Variants in ACOX2 observed in about 807,000 individuals in gnomAD.
ACOX2 encodes peroxisomal acyl-coenzyme A oxidase 2.
In ACOX2, 59 loss-of-function variants were observed where a neutral mutation model predicts 77.5. The ratio of observed to expected loss-of-function variants is 0.76; its 90% confidence interval spans 0.62 to 0.95. The LOEUF (loss-of-function observed/expected upper bound fraction) is 0.95, where lower values mean the gene tolerates loss of function less well. Among genes scored for constraint, ACOX2 ranks in the 40% least tolerant of loss-of-function variants. The pLI is 0.00. For missense variants in ACOX2, 837 were observed against 880.4 expected (o/e 0.95, Z 0.62); for synonymous variants, 317 against 340.1 (o/e 0.93, Z 0.75).
chr3:58,510,695 TATATATATATATATACACACAC>T (rs1158195422), intron 13 of ACOX2, among the ~76,000 whole-genome samples: 676 of 9,258 alleles, frequency 0.073, 16 homozygotes, highest in East Asian at 0.33. Context: ...TATATATATA[TATATATATATATATACACACAC>T]ACACACACAC....
intron 13 of ACOX2, among the ~76,000 whole-genome samples, chr3:58,509,702 C>A (rs1431293139): frequency 6.9e-6 from 1 of 144,476 alleles, no homozygotes; most frequent in Non-Finnish European, 1.5e-5. Context: ...ACCTCCCGGG[C>A]TCAAGCCATT....
At position 58,535,573 on chromosome 3, in the gene ACOX2, G is replaced by C. The variant is rs934415961; in HGVS notation, c.-91-376C>G. Among the ~76,000 whole-genome samples the C allele has an allele frequency of 6.6e-6, 1 of 152,114 alleles. No homozygotes were observed. The highest frequency in any genetic ancestry group is 2.4e-5 in the African/African-American group (1 of 41,426). On this transcript the variant is annotated intron_variant, in intron 1 of 14. Coordinates refer to ENST00000302819, the MANE Select transcript of ACOX2 (RefSeq NM_003500.4). The surrounding 1 kb of genome is among the most constrained non-coding windows in gnomAD (Gnocchi z 4.8). The stretch of plus-strand genomic sequence containing the variant: ...CTGGAGATGGCCAGGAGTTGGATGG[G>C]GTCTGACCACAAAGCACATGACTTG...
intron 13 of ACOX2, among the ~76,000 whole-genome samples, chr3:58,513,703 G>C (rs1176918595): frequency 2.0e-5 from 3 of 151,208 alleles, no homozygotes; most frequent in Non-Finnish European, 4.4e-5. Flanking sequence ...GTTCTTGCTT[G>C]TTTTGGTCTC....
Position 58,526,534 on chromosome 3 carries a change from C to T in ACOX2, c.1278G>A (p.Leu426=). The T allele has an allele frequency of 1.2e-6, 2 of 1,614,202 alleles. No homozygotes were observed. Among genetic ancestry groups the T allele is most frequent in the East Asian group, 2.2e-5 (1 of 44,876 alleles). Residue 426 remains leucine (L), a synonymous_variant, in exon 10 of 15, where the codon CTG becomes CTA. Coordinates refer to ENST00000302819, the MANE Select transcript of ACOX2 (RefSeq NM_003500.4). The surrounding 1 kb of genome is among the most constrained non-coding windows in gnomAD (Gnocchi z 4.3). ...TACAGGAGGCCGACAATTTGGTGAC[C>T]AGTGATGGCAGGCCACTCAGCTTTG... ...GYSKLSGLPS[L]VTKLSASCTY... is the part of the protein sequence containing the mutation.
In ACOX2 at chr3:58,533,887, C is replaced by T; in HGVS notation, c.475+107G>A. ...GCTGCTGGAATGTTTTCTTATTAAACATATGTCCCTCGGAGCATATGAACC... is the reference window on the plus strand; with the variant it reads ...GCTGCTGGAATGTTTTCTTATTAAATATATGTCCCTCGGAGCATATGAACC... On this transcript the variant is annotated intron_variant, in intron 4 of 14. Coordinates refer to ENST00000302819, the MANE Select transcript of ACOX2 (RefSeq NM_003500.4). This position sits in a 1 kb window ranked among gnomAD's most constrained non-coding sequence, Gnocchi z 5.6. The T allele has an allele frequency of 7.1e-7, 1 of 1,400,748 alleles. No homozygotes were observed. The highest frequency in any genetic ancestry group is 1.4e-5 in the African/African-American group (1 of 69,540). 86.8% of individuals were successfully genotyped at this position (1,400,748 alleles called of 1,614,324 possible).
At position 58,522,040 on chromosome 3, in the gene ACOX2, G is replaced by A. The variant is rs148204594; in HGVS notation, c.1632+456C>T. Among the ~76,000 whole-genome samples the A allele has an allele frequency of 2.9e-3, 437 of 152,324 alleles. 1 individual carries two copies. The highest frequency in any genetic ancestry group is 0.01 in the African/African-American group (422 of 41,564). On this transcript the variant is annotated intron_variant, in intron 12 of 14. Transcript: ENST00000302819. This position sits in a 1 kb window ranked among gnomAD's most constrained non-coding sequence, Gnocchi z 4.3. ...GCAGCCTGTATTTCCCTGTCATGGTGCTTCCTTGATTGTAGCCGTGCATGG... is the reference window on the plus strand; with the variant it reads ...GCAGCCTGTATTTCCCTGTCATGGTACTTCCTTGATTGTAGCCGTGCATGG...
At position 58,534,036 on chromosome 3, in the gene ACOX2, T is replaced by C; in HGVS notation, c.433A>G (p.Ile145Val). The C allele has an allele frequency of 6.2e-7, 1 of 1,614,180 alleles. No homozygotes were observed. The highest frequency in any genetic ancestry group is 8.5e-7 in the Non-Finnish European group (1 of 1,180,032). Residue 145 changes from isoleucine (I) to valine (V), a missense_variant, in exon 4 of 15, where the codon ATC (isoleucine) becomes GTC (valine). Ile to Val is a conservative substitution (Grantham distance 29, BLOSUM62 3). Coordinates refer to ENST00000302819, the MANE Select transcript of ACOX2 (RefSeq NM_003500.4). The surrounding 1 kb of genome is among the most constrained non-coding windows in gnomAD (Gnocchi z 4.8). Reference protein sequence around the residue: ...IAKWDPLCKNIQIIATYAQTE... With the variant: ...IAKWDPLCKNVQIIATYAQTE... ...TGTGCATACGTTGCGATGATCTGGATGTTTTTGCAGAGTGGGTCCCATTTG... is the reference window on the plus strand; with the variant it reads ...TGTGCATACGTTGCGATGATCTGGACGTTTTTGCAGAGTGGGTCCCATTTG...
rs1159699140 is a variant in ACOX2, at chr3:58,522,515, A to G, written c.1613T>C (p.Ile538Thr). The change falls in exon 12 of 15, where the codon ATA (isoleucine) becomes ACA (threonine). Residue 538 changes from isoleucine to threonine, a missense_variant. Physicochemically the swap from Ile to Thr is moderately conservative, Grantham distance 89. Transcript: ENST00000302819. The surrounding 1 kb of genome is among the most constrained non-coding windows in gnomAD (Gnocchi z 4.3). ...QHEAWNQTTV[I>T]HLQAAKVHCY... ...GCTCACCTTAGCAGCCTGGAGGTGTATGACAGTGGTCTGGTTCCAAGCCTC... is the reference window on the plus strand; with the variant it reads ...GCTCACCTTAGCAGCCTGGAGGTGTGTGACAGTGGTCTGGTTCCAAGCCTC... 1.5e-5 allele frequency: 24 copies of G among 1,614,026 alleles called. No homozygotes were observed. The highest frequency in any genetic ancestry group is 1.9e-5 in the Non-Finnish European group (23 of 1,179,998).
Position 58,531,293 on chromosome 3 carries a change from A to T in ACOX2, c.777T>A (p.His259Gln). ...GCATGTTCTCCCTGGGGACCCGCAC[A>T]TGGTTCAGCTGCAGGAAGCCATTGT... Reference protein sequence around the residue: ...QTDNGFLQLNHVRVPRENMLS... With the variant: ...QTDNGFLQLNQVRVPRENMLS... The change falls in exon 7 of 15, where the codon CAT becomes CAA. Residue 259 changes from histidine (H) to glutamine (Q), a missense_variant. Coordinates refer to ENST00000302819, the MANE Select transcript of ACOX2 (RefSeq NM_003500.4). The surrounding 1 kb of genome is among the most constrained non-coding windows in gnomAD (Gnocchi z 5.8). 6.2e-7 allele frequency: 1 copy of T among 1,613,572 alleles called. No individual in the cohort carries two copies. Among genetic ancestry groups the T allele is most frequent in the South Asian group, 1.1e-5 (1 of 91,054 alleles).
In ACOX2 at chr3:58,526,314, T is replaced by C. The variant is rs1029188872; in HGVS notation, c.1346+152A>G. The C allele has an allele frequency of 2.2e-5, 18 of 836,348 alleles. No individual in the cohort carries two copies. Among genetic ancestry groups the C allele is most frequent in the Non-Finnish European group, 2.9e-5 (16 of 544,106 alleles). The allele number at this position is 836,348 out of a possible 1,614,324, so 51.8% of individuals were successfully genotyped here. ...GAGAGGATGGTGGCCTAGAAGTGGATAGGTTAGTCATACTGGGGAATTGGA... is the reference window on the plus strand; with the variant it reads ...GAGAGGATGGTGGCCTAGAAGTGGACAGGTTAGTCATACTGGGGAATTGGA... On this transcript the variant is annotated intron_variant, in intron 10 of 14. Coordinates refer to ENST00000302819, the MANE Select transcript of ACOX2 (RefSeq NM_003500.4). The surrounding 1 kb of genome is among the most constrained non-coding windows in gnomAD (Gnocchi z 4.3).
At position 58,512,714 on chromosome 3, in the gene ACOX2, T is replaced by A. The variant is rs552768643; in HGVS notation, c.1851-3689A>T. On this transcript the variant is annotated intron_variant, in intron 13 of 14. Coordinates refer to ENST00000302819, the MANE Select transcript of ACOX2 (RefSeq NM_003500.4). This position sits in a 1 kb window ranked among gnomAD's most constrained non-coding sequence, Gnocchi z 4.8. ...AACATTTGTACTGTCATGCACTGCA[T>A]AATGATGTTTTGGTCAATGATGGAC... Among the ~76,000 whole-genome samples, 1 of 152,220 alleles carries A rather than the reference T, an allele frequency of 6.6e-6. No homozygotes were observed. Among genetic ancestry groups the A allele is most frequent in the Non-Finnish European group, 1.5e-5 (1 of 68,044 alleles).
chr3:58,532,544 C>T (rs1319837695), intron 5 of ACOX2, among the ~76,000 whole-genome samples: 1 of 152,134 alleles, frequency 6.6e-6, no homozygotes, highest in African/African-American at 2.4e-5. Flanking sequence ...CGCCACCACA[C>T]ACGACTAATT....
rs2063474108 is a variant in ACOX2, at chr3:58,535,335, G to A, written c.-91-138C>T. On this transcript the variant is annotated intron_variant, in intron 1 of 14. Transcript: ENST00000302819. The surrounding 1 kb of genome is among the most constrained non-coding windows in gnomAD (Gnocchi z 4.8). The stretch of plus-strand genomic sequence containing the variant: ...ACTGGCTGTGGACCAGGCACTGTGT[G>A]CATGGTAGGCATGGTATGCAGCCAT... 3.5e-6 allele frequency: 2 copies of A among 575,952 alleles called. No individual in the cohort carries two copies. Among genetic ancestry groups the A allele is most frequent in the Non-Finnish European group, 3.1e-6 (1 of 322,458 alleles). The allele number at this position is 575,952 out of a possible 1,614,324, so 35.7% of individuals were successfully genotyped here.
chr3:58,529,085 A>C (rs568897712), intron 8 of ACOX2, 129 bp from the exon 9 acceptor site: 1 of 910,772 alleles, frequency 1.1e-6, no homozygotes, highest in South Asian at 2.3e-5. Context: ...AACTGACATG[A>C]GGCCATTGAT....
chr3:58,534,221 C>G lies in ACOX2; in HGVS notation c.324-76G>C, dbSNP rs142742241. On this transcript the variant is annotated intron_variant, in intron 3 of 14. Transcript: ENST00000302819. The surrounding 1 kb of genome is among the most constrained non-coding windows in gnomAD (Gnocchi z 4.8). ...AGGTACCCCCTGCCTGAGCAGAGTA[C>G]AGGAGATAAAGGGCACCTAGCATCC... is the stretch of plus-strand genomic sequence containing the variant. The G allele has an allele frequency of 2.5e-6, 4 of 1,591,434 alleles. No homozygotes were observed. In the African/African-American group the frequency reaches 5.4e-5, roughly 21 times the overall value.
Position 58,526,520 on chromosome 3 carries a change from G to T in ACOX2, c.1292C>A (p.Ser431Ter). Reference protein sequence around the residue: ...SGLPSLVTKLSASCTYEGENT... With the variant: ...SGLPSLVTKL ...CTCACCCTCGTAGGTACAGGAGGCC[G>T]ACAATTTGGTGACCAGTGATGGCAG... The change falls in exon 10 of 15, where the codon TCG (serine) becomes TAG (stop). Residue 431 changes from serine to a stop codon, truncating the protein, a stop_gained. Transcript: ENST00000302819. LOFTEE classifies it high-confidence loss of function. The surrounding 1 kb of genome is among the most constrained non-coding windows in gnomAD (Gnocchi z 4.3). The T allele has an allele frequency of 6.2e-7, 1 of 1,614,148 alleles. No homozygotes were observed. Among genetic ancestry groups the T allele is most frequent in the South Asian group, 1.1e-5 (1 of 91,076 alleles).
rs2063357731 is a variant in ACOX2, at chr3:58,521,439, T to A, written c.1632+1057A>T. Among the ~76,000 whole-genome samples, 1 of 152,222 alleles carries A rather than the reference T, an allele frequency of 6.6e-6. No homozygotes were observed. The highest frequency in any genetic ancestry group is 1.5e-5 in the Non-Finnish European group (1 of 68,042). ...CTAAGCTAGAACTCAGGAGTTGTTC[T>A]TACCTCTTTCCCACCCCAGCACTCT... On this transcript the variant is annotated intron_variant, in intron 12 of 14. Coordinates refer to ENST00000302819, the MANE Select transcript of ACOX2 (RefSeq NM_003500.4). This position sits in a 1 kb window ranked among gnomAD's most constrained non-coding sequence, Gnocchi z 4.8.
Position 58,531,764 on chromosome 3 carries a change from G to A in ACOX2, c.632C>T (p.Ser211Leu), listed in dbSNP as rs148493303. Residue 211 changes from serine (S) to leucine (L), a missense_variant, in exon 6 of 15, where the codon TCA becomes TTA. Coordinates refer to ENST00000302819, the MANE Select transcript of ACOX2 (RefSeq NM_003500.4). The surrounding 1 kb of genome is among the most constrained non-coding windows in gnomAD (Gnocchi z 5.8). Reference sequence around the variant, plus strand: ...AGCGTGCATGCCCCGCCTGGCTCCTGAGCAGATCAGCTGGGCCTGGACCAG... The same window carrying A: ...AGCGTGCATGCCCCGCCTGGCTCCTAAGCAGATCAGCTGGGCCTGGACCAG... ...HALVQAQLIC[S>L]GARRGMHAFI... 259 of 1,614,086 alleles carry A rather than the reference G, an allele frequency of 1.6e-4. No individual in the cohort carries two copies. The highest frequency in any genetic ancestry group is 2.5e-4 in the Admixed American group (15 of 60,012).
In ACOX2 at chr3:58,528,800, C is replaced by A; in HGVS notation, c.1149G>T (p.Leu383=). Residue 383 remains leucine, a synonymous_variant, in exon 9 of 15, where the codon CTG becomes CTT. Coordinates refer to ENST00000302819, the MANE Select transcript of ACOX2 (RefSeq NM_003500.4). This position sits in a 1 kb window ranked among gnomAD's most constrained non-coding sequence, Gnocchi z 5.6. ...CTCCGCAGACAGCAGGTACCTCAGGCAGGAAGCTGAAGTCTTGGTTCAGAA... is the reference window on the plus strand; with the variant it reads ...CTCCGCAGACAGCAGGTACCTCAGGAAGGAAGCTGAAGTCTTGGTTCAGAA... ...TAILNQDFSF[L]PELHALSTGM... The A allele has an allele frequency of 1.2e-6, 2 of 1,607,376 alleles. No homozygotes were observed. Among genetic ancestry groups the A allele is most frequent in the Non-Finnish European group, 8.5e-7 (1 of 1,176,666 alleles).
Sources: allele counts gnomAD v4.1 joint callset (sites outside exome capture counted in the v4.1 genomes callset), GRCh38; gene constraint gnomAD v4.1.1; non-coding constraint Gnocchi (gnomAD v3.1); transcripts MANE v1.5; gene names NCBI Gene and HGNC (gene_info 2026-07-23, HGNC 2026-07-21).